HSF1: variants seen among roughly 807,000 people sequenced by gnomAD.
HSF1 encodes the protein heat shock transcription factor 1, also known as heat shock factor protein 1.
Under a neutral mutation model 51.7 loss-of-function variants are expected in HSF1, and 32 were observed. That is an observed-to-expected ratio of 0.62 (90% confidence interval 0.47 to 0.83). The LOEUF is 0.83. Ranked by LOEUF, HSF1 falls within the 40% of genes least tolerant of loss-of-function variation. HSF1 has a pLI of 0.00. For missense variants in HSF1, 727 were observed against 717.0 expected, an observed-to-expected ratio of 1.01 and a Z score of -0.16; for synonymous variants, 396 against 309.7, an observed-to-expected ratio of 1.28 and a Z score of -2.92.
chr8:144,312,281 C>T (rs1816736618), intron 9 of HSF1, 37 bp downstream of exon 9: 2 of 1,463,894 alleles, frequency 1.4e-6, no homozygotes, highest in African/African-American at 1.4e-5. Flanking sequence ...CCCACAGCGC[C>T]TGGACGCACA....
chr8:144,292,531 C>T (rs1210493522), intron 1 of HSF1: 9 of 152,270 alleles, frequency 5.9e-5, no homozygotes, highest in Admixed American at 5.9e-4. Flanking sequence ...CAAGACCGGA[C>T]AGCTCCGGTT....
rs1049842401 is a variant in HSF1, at chr8:144,314,534, C to T, written c.*204C>T. On this transcript the variant is annotated 3_prime_UTR_variant, in exon 13 of 13. Transcript: ENST00000528838. ...AGTCTGCCTTCCCCCAACCCCGTGT[C>T]CTGTGGTTTGGTTGGGGCTTCACAG... 3.2e-5 allele frequency: 19 copies of T among 597,772 alleles called. No homozygotes were observed. The highest frequency in any genetic ancestry group is 5.4e-5 in the Non-Finnish European group (18 of 336,284). 37.0% of individuals were successfully genotyped at this position (597,772 alleles called of 1,614,324 possible).
At chr8:144,296,005 G>T (rs34471511) in intron 1 of HSF1, among the ~76,000 whole-genome samples, 79,070 of 151,852 alleles carry the variant, frequency 0.52, 20,879 homozygotes, top group Admixed American at 0.65. Flanking sequence ...AGAAGGATGT[G>T]CTGAAACCCT....
chr8:144,301,069 T>G (rs1414919147), intron 1 of HSF1, among the ~76,000 whole-genome samples: 1 of 152,140 alleles, frequency 6.6e-6, no homozygotes, highest in Non-Finnish European at 1.5e-5. Flanking sequence ...GGACATAATA[T>G]CATGTGGTCT....
Position 144,311,751 on chromosome 8 carries a change from G to T in HSF1, c.775G>T (p.Ala259Ser). The change falls in exon 8 of 13, where the codon GCC (alanine) becomes TCC (serine). Residue 259 changes from alanine to serine, a missense_variant. Ala to Ser is a moderately conservative substitution (Grantham distance 99). This residue lies in a region of HSF1 where 470 missense variants were observed against 398.8 expected (regional missense o/e 1.18). Coordinates refer to ENST00000528838, the MANE Select transcript of HSF1 (RefSeq NM_005526.4). ...CAGCCTCTACGCCCCTGATGCTGTG[G>T]CCAGCTCTGGACCCATCATCTCCGA... ...SSSLYAPDAV[A>S]SSGPIISDIT... 6.2e-7 allele frequency: 1 copy of T among 1,612,922 alleles called. No individual in the cohort carries two copies. The highest frequency in any genetic ancestry group is 2.2e-5 in the East Asian group (1 of 44,868).
chr8:144,305,169 A>G (rs1816130997), intron 1 of HSF1, among the ~76,000 whole-genome samples: 1 of 151,312 alleles, frequency 6.6e-6, no homozygotes, highest in South Asian at 2.1e-4. Flanking sequence ...CTGGTCTCGA[A>G]TTCCTAACCT....
chr8:144,300,815 A>G (rs1815814913), intron 1 of HSF1, among the ~76,000 whole-genome samples: 1 of 151,656 alleles, frequency 6.6e-6, no homozygotes, highest in Non-Finnish European at 1.5e-5. Context: ...TGTGGGTCCT[A>G]GTTAACAATG....
At chr8:144,311,081 C>T (rs1445279065) in intron 4 of HSF1, 93 bp from the exon 5 acceptor site, 12 of 1,188,284 alleles carry the variant, frequency 1.0e-5, no homozygotes, top group Admixed American at 2.1e-5. Flanking sequence ...CTTACCCCTG[C>T]TCCTGCATGG....
At chr8:144,311,134 A>G (rs1554844260) in intron 4 of HSF1, 40 bp from the exon 5 acceptor site, 1 of 1,555,866 alleles carries the variant, frequency 6.4e-7, no homozygotes, top group Admixed American at 1.9e-5. Flanking sequence ...CCTGGGGCTC[A>G]TGGGATTGGG....
In HSF1 at chr8:144,313,927, G is replaced by C. The variant is rs1554845890; in HGVS notation, c.1314+16G>C. On this transcript the variant is annotated intron_variant, in intron 11 of 12. Coordinates refer to ENST00000528838, the MANE Select transcript of HSF1 (RefSeq NM_005526.4). Reference sequence around the variant, plus strand: ...CCTGGCCAGTGTGCGTAGGCGGGCGGGGGGTGAGGGGGAACGAGACCAGCG... The same window carrying C: ...CCTGGCCAGTGTGCGTAGGCGGGCGCGGGGTGAGGGGGAACGAGACCAGCG... The C allele has an allele frequency of 3.7e-6, 6 of 1,610,050 alleles. No homozygotes were observed. Among genetic ancestry groups the C allele is most frequent in the Non-Finnish European group, 5.1e-6 (6 of 1,179,190 alleles).
At chr8:144,307,288 A>G (rs1554843472) in intron 1 of HSF1, among the ~76,000 whole-genome samples, 1 of 152,088 alleles carries the variant, frequency 6.6e-6, no homozygotes, top group Non-Finnish European at 1.5e-5. Context: ...TTGGGAGTGG[A>G]CTCTTAGGTC....
In HSF1 at chr8:144,314,287, C is replaced by CA. The variant is rs1564627546; in HGVS notation, c.1548dup (p.Gly517ArgfsTer102). ...GAGGACCCCACCATCTCCCTGCTGACAGGCTCGGAGCCTCCCAAAGCCAAG... is the reference window on the plus strand; with the variant it reads ...GAGGACCCCACCATCTCCCTGCTGACAAGGCTCGGAGCCTCCCAAAGCCAAG... On this transcript the variant is annotated frameshift_variant, in exon 13 of 13. Coordinates refer to ENST00000528838, the MANE Select transcript of HSF1 (RefSeq NM_005526.4). LOFTEE classifies it high-confidence loss of function. 1 of 1,550,988 alleles carries CA rather than the reference C, an allele frequency of 6.4e-7. No individual in the cohort carries two copies.
intron 1 of HSF1, among the ~76,000 whole-genome samples, chr8:144,305,646 C>T (rs963164516): frequency 6.6e-6 from 1 of 151,462 alleles, no homozygotes; most frequent in South Asian, 2.1e-4. Flanking sequence ...CCTACTGGAG[C>T]ACCTCAATTG....
chr8:144,292,305 G>A lies in HSF1; in HGVS notation c.117+431G>A, dbSNP rs1025823437. Among the ~76,000 whole-genome samples the A allele has an allele frequency of 2.7e-4, 41 of 152,352 alleles. 1 individual carries two copies. Among genetic ancestry groups the A allele is most frequent in the Admixed American group, 2.0e-3 (31 of 15,308 alleles). ...AACTATTAGGAGAAAGTCAGGACTT[G>A]GCACGTGAAGTGGAGGGCGTTGCTG... On this transcript the variant is annotated intron_variant, in intron 1 of 12. Transcript: ENST00000528838.
Position 144,308,980 on chromosome 8 carries a change from C to T in HSF1, c.192C>T (p.Asn64=), listed in dbSNP as rs782640073. Residue 64 remains asparagine (N), a synonymous_variant, in exon 2 of 13, where the codon AAC becomes AAT. Transcript: ENST00000528838. The part of the protein sequence containing the change: ...KEVLPKYFKH[N]NMASFVRQLN... ...TGCTGCCCAAGTACTTCAAGCACAA[C>T]AACATGGCCAGCTTCGTGCGGCAGC... is the stretch of plus-strand genomic sequence containing the variant. 52 of 1,613,986 alleles carry T rather than the reference C, an allele frequency of 3.2e-5. No homozygotes were observed. The Middle Eastern group carries it at 4.9e-4, about 15-fold the overall frequency.
At chr8:144,296,537 G>A (rs1389256429) in intron 1 of HSF1, among the ~76,000 whole-genome samples, 5 of 152,138 alleles carry the variant, frequency 3.3e-5, no homozygotes, top group African/African-American at 7.2e-5. Context: ...GGTGGCTCAC[G>A]CCTGTAATCC....
At chr8:144,307,252 A>G (rs1816284696) in intron 1 of HSF1, among the ~76,000 whole-genome samples, 1 of 152,200 alleles carries the variant, frequency 6.6e-6, no homozygotes, top group Non-Finnish European at 1.5e-5. Context: ...TATTCAGGAG[A>G]GCTTCAAGTC....
Position 144,313,973 on chromosome 8 carries a change from T to G in HSF1, c.1315-12T>G. 2 of 1,610,674 alleles carry G rather than the reference T, an allele frequency of 1.2e-6. No homozygotes were observed. The highest frequency in any genetic ancestry group is 1.7e-6 in the Non-Finnish European group (2 of 1,179,312). On this transcript the variant is annotated splice_polypyrimidine_tract_variant and intron_variant, in intron 11 of 12. Transcript: ENST00000528838. Reference sequence around the variant, plus strand: ...CAGCGGGAGTGCTCACAATACCGTCTCCACCCCACAGATCCAAGAGCTCCT... The same window carrying G: ...CAGCGGGAGTGCTCACAATACCGTCGCCACCCCACAGATCCAAGAGCTCCT...
intron 1 of HSF1, among the ~76,000 whole-genome samples, chr8:144,299,180 A>G (rs1368431599): frequency 1.3e-5 from 2 of 152,128 alleles, no homozygotes; most frequent in African/African-American, 4.8e-5. Flanking sequence ...AGTGGCTCAC[A>G]CCTGTAATCC....
Sources: gnomAD v4.1 joint callset for allele counts (sites outside exome capture counted in the v4.1 genomes callset) on GRCh38, gnomAD v4.1.1 for gene constraint, gnomAD v4.1.1 regional missense constraint, MANE v1.5 for transcripts, NCBI Gene and HGNC (gene_info 2026-07-23, HGNC 2026-07-21) for gene names.